The following CNTNAP2 variants were observed in gnomAD, a reference collection of about 807,000 sequenced individuals.
CNTNAP2 encodes contactin-associated protein-like 2.
In CNTNAP2, 98 loss-of-function variants were observed where a neutral mutation model predicts 155.2. The ratio of observed to expected loss-of-function variants is 0.63; its 90% CI spans 0.54 to 0.75. CNTNAP2 has a LOEUF of 0.75. CNTNAP2 is among the 30% of genes least tolerant of loss of function. CNTNAP2 has a pLI of 0.00. For missense variants in CNTNAP2, 1,727 were observed against 1,688.1 expected (o/e 1.02, Z -0.40); for synonymous variants, 651 against 631.2 (o/e 1.03, Z -0.47).
At chr7:147,813,120 GAAA>G (rs11291111) in intron 13 of CNTNAP2, among the ~76,000 whole-genome samples, 1 of 135,922 alleles carries the variant, frequency 7.4e-6, no homozygotes, top group African/African-American at 2.7e-5. Flanking sequence ...TTCACTATTT[GAAA>G]AAAAAAAAAA....
intron 1 of CNTNAP2, among the ~76,000 whole-genome samples, chr7:146,442,617 T>C (rs1432182367): frequency 6.6e-6 from 1 of 152,174 alleles, no homozygotes; most frequent in East Asian, 1.9e-4. Flanking sequence ...CTGTGGTCCA[T>C]CTTGAATGGG....
chr7:147,534,988 TC>T (rs933968691), intron 11 of CNTNAP2, among the ~76,000 whole-genome samples: 1 of 152,072 alleles, frequency 6.6e-6, no homozygotes, highest in African/African-American at 2.4e-5. Context: ...GCCTGACTCT[TC>T]CCTGCCATTT....
At chr7:147,411,075 C>A (rs1384404579) in intron 10 of CNTNAP2, among the ~76,000 whole-genome samples, 1 of 152,172 alleles carries the variant, frequency 6.6e-6, no homozygotes, top group Admixed American at 6.5e-5. Flanking sequence ...GTCTGTGAAA[C>A]TGGCATCATT....
At chr7:146,251,944 C>T (rs1323648795) in intron 1 of CNTNAP2, among the ~76,000 whole-genome samples, 1 of 152,146 alleles carries the variant, frequency 6.6e-6, no homozygotes, top group Non-Finnish European at 1.5e-5. Context: ...TCTCAATTCT[C>T]AAAGGCTTAG....
intron 13 of CNTNAP2, among the ~76,000 whole-genome samples, chr7:147,780,741 A>G (rs1164794436): frequency 6.6e-6 from 1 of 152,164 alleles, no homozygotes; most frequent in Non-Finnish European, 1.5e-5. Context: ...TAGCAAATAA[A>G]TAGGGTTTCT....
chr7:146,750,938 A>T (rs1295931343), intron 1 of CNTNAP2, among the ~76,000 whole-genome samples: 1 of 152,178 alleles, frequency 6.6e-6, no homozygotes, highest in Non-Finnish European at 1.5e-5. Flanking sequence ...TTAACAGGCG[A>T]TATGATTCAC....
chr7:147,431,150 A>G (rs1584944746), intron 10 of CNTNAP2, among the ~76,000 whole-genome samples: 4 of 152,144 alleles, frequency 2.6e-5, no homozygotes, highest in Admixed American at 2.6e-4. Context: ...TGTTGAATTC[A>G]TGATTAGGTT....
Position 147,985,493 on chromosome 7 carries a change from C to T in CNTNAP2, c.2383+7504C>T, listed in dbSNP as rs1801604338. Reference sequence around the variant, plus strand: ...TACACTGGCAAGCTGTGTCTTCTAACTTACTCTTACATGAAGGGCTGGTTC... The same window carrying T: ...TACACTGGCAAGCTGTGTCTTCTAATTTACTCTTACATGAAGGGCTGGTTC... On this transcript the variant is annotated intron_variant, in intron 15 of 23. Transcript: ENST00000361727. Among the ~76,000 whole-genome samples the T allele has an allele frequency of 3.0e-5, 4 of 133,916 alleles. No individual in the cohort carries two copies. The South Asian group carries it at 9.9e-4, about 33-fold the overall frequency. The allele number at this position is 133,916 out of a possible 152,430, so 87.9% of individuals were successfully genotyped here.
intron 15 of CNTNAP2, among the ~76,000 whole-genome samples, chr7:148,074,686 A>C (rs1803448619): frequency 8.6e-6 from 1 of 116,170 alleles, no homozygotes; most frequent in Admixed American, 9.2e-5. Context: ...AGACTGTCTC[A>C]AAAAAAAAAA....
At chr7:148,032,922 G>T (rs1202574666) in intron 15 of CNTNAP2, among the ~76,000 whole-genome samples, 3 of 152,098 alleles carry the variant, frequency 2.0e-5, no homozygotes, top group Admixed American at 6.5e-5. Flanking sequence ...ATATCATTTT[G>T]TTGTAGTCCA....
chr7:146,503,816 T>C (rs1797341164), intron 1 of CNTNAP2, among the ~76,000 whole-genome samples: 1 of 152,190 alleles, frequency 6.6e-6, no homozygotes, highest in Admixed American at 6.5e-5. Flanking sequence ...ATGCCAGTAC[T>C]ATGTTGTTTT....
intron 13 of CNTNAP2, among the ~76,000 whole-genome samples, chr7:147,746,275 G>T (rs139401131): frequency 1.3e-5 from 2 of 152,162 alleles, no homozygotes; most frequent in African/African-American, 4.8e-5. Context: ...AAAGATACCA[G>T]ATTTACCAAC....
At chr7:147,288,123 C>T (rs1438167704) in intron 8 of CNTNAP2, among the ~76,000 whole-genome samples, 3 of 152,130 alleles carry the variant, frequency 2.0e-5, no homozygotes, top group Admixed American at 6.6e-5. Context: ...TGTGGCTGAC[C>T]TCTTGTTGTC....
rs371237241 is a variant in CNTNAP2, at chr7:146,136,858, G to A, written c.97+19885G>A. 5.3e-5 allele frequency among the ~76,000 whole-genome samples: 8 copies of A among 152,244 alleles called. No homozygotes were observed. The East Asian group carries it at 5.8e-4, about 11-fold the overall frequency. On this transcript the variant is annotated intron_variant, in intron 1 of 23. Coordinates refer to ENST00000361727, the MANE Select transcript of CNTNAP2 (RefSeq NM_014141.6). ...GCTTTGCTAGTCTGGGGCCTGCTTC[G>A]AAGTGTCAAAATAGCAGTGCCATTG...
intron 3 of CNTNAP2, among the ~76,000 whole-genome samples, chr7:146,976,200 C>T (rs1256027905): frequency 6.6e-6 from 1 of 152,218 alleles, no homozygotes; most frequent in Non-Finnish European, 1.5e-5. Flanking sequence ...TTCTCTCGCA[C>T]TACAACAGTG....
chr7:147,114,069 T>C (rs1800937094), intron 5 of CNTNAP2, among the ~76,000 whole-genome samples: 1 of 152,190 alleles, frequency 6.6e-6, no homozygotes, highest in African/African-American at 2.4e-5. Context: ...ATTTCATTAT[T>C]TACCCAAGAG....
At chr7:148,093,233 A>T (rs187424767) in intron 15 of CNTNAP2, among the ~76,000 whole-genome samples, 1 of 152,280 alleles carries the variant, frequency 6.6e-6, no homozygotes. Flanking sequence ...AGCTAGAAAA[A>T]ATAATAATAA....
intron 15 of CNTNAP2, among the ~76,000 whole-genome samples, chr7:148,076,329 G>T (rs1456345779): frequency 6.7e-6 from 1 of 150,050 alleles, no homozygotes; most frequent in African/African-American, 2.4e-5. Flanking sequence ...CAATGTGTAG[G>T]ACAATGCCCC....
At chr7:148,166,436 GTA>G (rs1562981042) in intron 17 of CNTNAP2, among the ~76,000 whole-genome samples, 1 of 151,958 alleles carries the variant, frequency 6.6e-6, no homozygotes, top group Non-Finnish European at 1.5e-5. Context: ...TTGGGCAAAA[GTA>G]CTCAGGAACC....
Sources: gnomAD v4.1 joint callset for allele counts (sites outside exome capture counted in the v4.1 genomes callset) on GRCh38, gnomAD v4.1.1 for gene constraint, MANE v1.5 for transcripts, NCBI Gene and HGNC (gene_info 2026-07-23, HGNC 2026-07-21) for gene names.